The following IKZF1 variants were observed in gnomAD, a reference collection of about 807,000 sequenced individuals.
The protein encoded by IKZF1 is DNA-binding protein Ikaros.
Under a neutral mutation model 51.7 loss-of-function variants are expected in IKZF1, and 10 were observed. That is an observed-to-expected ratio of 0.19 (90% CI 0.12 to 0.33). The LOEUF (loss-of-function observed/expected upper bound fraction) is 0.33. Ranked by LOEUF, IKZF1 falls within the 10% of genes least tolerant of loss-of-function variation. The probability of loss-of-function intolerance (pLI) is 1.00; values close to 1 mark genes in which losing one functional copy is unlikely to be tolerated. For synonymous variants in IKZF1, 280 were observed against 282.3 expected, an observed-to-expected ratio of 0.99 and a Z score of 0.08; for missense variants, 484 against 707.5, an observed-to-expected ratio of 0.68 and a Z score of 3.58.
chr7:50,348,864 C>T (rs895327071), intron 3 of IKZF1, among the ~76,000 whole-genome samples: 2 of 152,144 alleles, frequency 1.3e-5, no homozygotes, highest in African/African-American at 2.4e-5. Flanking sequence ...CCCCACTGGC[C>T]GTGGGGCAGT....
chr7:50,400,186 G>T lies in IKZF1; in HGVS notation c.1119G>T (p.Leu373=), dbSNP rs2153518471. ...CCCAGGACAGCGCCGTGGAGAACCTGCTGCTGCTCTCCAAGGCCAAGTTGG... is the reference window on the plus strand; with the variant it reads ...CCCAGGACAGCGCCGTGGAGAACCTTCTGCTGCTCTCCAAGGCCAAGTTGG... ...HSAQDSAVEN[L]LLLSKAKLVP... Residue 373 remains leucine (L), a synonymous_variant, in exon 8 of 8, where the codon CTG becomes CTT. Coordinates refer to ENST00000331340, the MANE Select transcript of IKZF1 (RefSeq NM_006060.6). The surrounding 1 kb of genome is among the most constrained non-coding windows in gnomAD (Gnocchi z 5.4). 1 of 1,571,844 alleles carries T rather than the reference G, an allele frequency of 6.4e-7. No homozygotes were observed.
At chr7:50,397,112 C>A (rs1167630138) in intron 7 of IKZF1, among the ~76,000 whole-genome samples, 1 of 152,210 alleles carries the variant, frequency 6.6e-6, no homozygotes, top group Non-Finnish European at 1.5e-5. Flanking sequence ...ATTCTTGACT[C>A]ACACCTAAAG....
chr7:50,368,987 A>G (rs932981506), intron 3 of IKZF1: 2 of 223,558 alleles, frequency 8.9e-6, no homozygotes, highest in Admixed American at 5.7e-5. Flanking sequence ...ACAGTATCAA[A>G]GTACATCTTT....
At chr7:50,320,375 T>G (rs1422909119) in intron 2 of IKZF1, among the ~76,000 whole-genome samples, 3 of 152,224 alleles carry the variant, frequency 2.0e-5, no homozygotes, top group Admixed American at 6.5e-5. Flanking sequence ...CAATGTATAG[T>G]AATCGGATCA....
intron 3 of IKZF1, among the ~76,000 whole-genome samples, chr7:50,375,412 T>C (rs1199047545): frequency 6.6e-6 from 1 of 152,164 alleles, no homozygotes; most frequent in African/African-American, 2.4e-5. Context: ...ATCTATCTCA[T>C]TGATCATTTT....
chr7:50,386,040 TA>T (rs1813294454), intron 5 of IKZF1, among the ~76,000 whole-genome samples: 1 of 152,238 alleles, frequency 6.6e-6, no homozygotes, highest in South Asian at 2.1e-4. Flanking sequence ...TCTTAACTTT[TA>T]TACAATACTT....
At chr7:50,309,128 G>C (rs577868356) in intron 1 of IKZF1, among the ~76,000 whole-genome samples, 17 of 152,298 alleles carry the variant, frequency 1.1e-4, no homozygotes, top group Admixed American at 9.1e-4. Flanking sequence ...GATAGCTCGT[G>C]GCGCGGGGCC....
At chr7:50,382,821 C>T (rs1248319360) in intron 5 of IKZF1, 114 bp downstream of exon 5, 6 of 1,308,332 alleles carry the variant, frequency 4.6e-6, no homozygotes, top group Admixed American at 2.4e-5. Context: ...CCTCCCAGCT[C>T]GCAGTCCTGC....
At chr7:50,336,800 G>A (rs894860105) in intron 3 of IKZF1, among the ~76,000 whole-genome samples, 32 of 152,172 alleles carry the variant, frequency 2.1e-4, no homozygotes, top group Non-Finnish European at 1.3e-4. Context: ...TCTAGCCACG[G>A]AACAGTCTGG....
intron 1 of IKZF1, among the ~76,000 whole-genome samples, chr7:50,309,538 G>GT (rs1789654184): frequency 1.3e-5 from 2 of 152,146 alleles, no homozygotes; most frequent in Non-Finnish European, 2.9e-5. Flanking sequence ...TGTGTAAAGT[G>GT]TTTTTGAATG....
intron 3 of IKZF1, among the ~76,000 whole-genome samples, chr7:50,348,187 C>T (rs1410027557): frequency 6.6e-6 from 1 of 152,210 alleles, no homozygotes; most frequent in Non-Finnish European, 1.5e-5. Context: ...GTCAGCCATA[C>T]TGCATAATTG....
At chr7:50,349,674 CATGGGGGTG>C (rs1351702285) in intron 3 of IKZF1, among the ~76,000 whole-genome samples, 1 of 151,998 alleles carries the variant, frequency 6.6e-6, no homozygotes, top group Non-Finnish European at 1.5e-5. Context: ...GCTGAGTGGG[CATGGGGGTG>C]ATGGGGAATG....
chr7:50,360,723 C>T (rs77118685), intron 3 of IKZF1, among the ~76,000 whole-genome samples: 3 of 152,380 alleles, frequency 2.0e-5, no homozygotes, highest in South Asian at 2.1e-4. Flanking sequence ...GACACTCTGA[C>T]GACTGCCGAG....
At chr7:50,331,259 T>A (rs1038033606) in intron 3 of IKZF1, among the ~76,000 whole-genome samples, 3 of 151,430 alleles carry the variant, frequency 2.0e-5, no homozygotes, top group East Asian at 1.9e-4. Context: ...TTTCTTACTT[T>A]AAAAAAAATG....
chr7:50,370,672 G>A (rs1390420755), intron 3 of IKZF1, among the ~76,000 whole-genome samples: 1 of 152,216 alleles, frequency 6.6e-6, no homozygotes, highest in Non-Finnish European at 1.5e-5. Context: ...CATTTATTGA[G>A]TAATAAAATT....
intron 7 of IKZF1, among the ~76,000 whole-genome samples, chr7:50,395,127 A>C (rs1190534518): frequency 6.6e-6 from 1 of 152,256 alleles, no homozygotes; most frequent in East Asian, 1.9e-4. Context: ...TAATGTTTTC[A>C]AATCACCACA....
At chr7:50,314,022 A>G (rs12718263) in intron 1 of IKZF1, among the ~76,000 whole-genome samples, 2,882 of 152,364 alleles carry the variant, frequency 0.019, 50 homozygotes, top group East Asian at 0.041. Flanking sequence ...AATCCCCCTT[A>G]GAGTACCAGT....
At chr7:50,308,428 C>G (rs180969166) in intron 1 of IKZF1, among the ~76,000 whole-genome samples, 249 of 152,320 alleles carry the variant, frequency 1.6e-3, no homozygotes, top group Non-Finnish European at 2.6e-3. Context: ...GGTGCAAACC[C>G]TAGGTCACAG....
rs148745500 is a variant in IKZF1 at position 50,368,259 on chromosome 7, G to A, written c.161-8274G>A. ...AAAACGAAGGTCTAGGCAGTTGTGCGGTGTCCTGGGAGCATGGCAGTGGAG... is the reference window on the plus strand; with the variant it reads ...AAAACGAAGGTCTAGGCAGTTGTGCAGTGTCCTGGGAGCATGGCAGTGGAG... On this transcript the variant is annotated intron_variant, in intron 3 of 7. Coordinates refer to ENST00000331340, the MANE Select transcript of IKZF1 (RefSeq NM_006060.6). 5.8e-5 allele frequency: 41 copies of A among 703,184 alleles called. No individual in the cohort carries two copies. The highest frequency in any genetic ancestry group is 1.0e-4 in the Admixed American group (5 of 50,008). 43.6% of individuals were successfully genotyped at this position (703,184 alleles called of 1,614,324 possible).
Sources: allele counts gnomAD v4.1 joint callset (sites outside exome capture counted in the v4.1 genomes callset), GRCh38; gene constraint gnomAD v4.1.1; non-coding constraint Gnocchi (gnomAD v3.1); transcripts MANE v1.5; gene names NCBI Gene and HGNC (gene_info 2026-07-23, HGNC 2026-07-21).